DHX30: variants seen among roughly 807,000 people sequenced by gnomAD.
The protein encoded by DHX30 is DExH-box helicase 30, also known as ATP-dependent RNA helicase DHX30.
DHX30 carries 4 observed loss-of-function variants against 116.9 expected under a neutral mutation model. The observed-to-expected ratio is 0.03, with a 90% CI of 0.02 to 0.08. DHX30 has a LOEUF of 0.08. DHX30 is among the 10% of genes least tolerant of loss of function. The pLI is 1.00. For synonymous variants in DHX30, 697 were observed against 651.7 expected (o/e 1.07, Z -1.06); for missense variants, 871 against 1,595.1 (o/e 0.55, Z 7.73).
In DHX30 at chr3:47,847,676, C is replaced by T. The variant is rs539598696; in HGVS notation, c.2111-105C>T. 2,674 of 1,484,952 alleles carry T rather than the reference C, an allele frequency of 1.8e-3. 9 individuals carry two copies. The highest frequency in any genetic ancestry group is 2.2e-3 in the Non-Finnish European group (2,457 of 1,103,740). 92.0% of individuals were successfully genotyped at this position (1,484,952 alleles called of 1,614,324 possible). A position where few individuals can be genotyped will look rare whatever the true frequency, so the allele number is the denominator to read the frequency against. The stretch of plus-strand genomic sequence containing the variant: ...TTTCACTGGGCATAGTGTTTATCTG[C>T]GCCTGTTTCATCAAAATGGGGTCAA... On this transcript the variant is annotated intron_variant, in intron 13 of 21. Coordinates refer to ENST00000445061, the MANE Select transcript of DHX30 (RefSeq NM_138615.3). This position sits in a 1 kb window ranked among gnomAD's most constrained non-coding sequence, Gnocchi z 5.5.
chr3:47,843,259 A>G lies in DHX30; in HGVS notation c.939+4A>G. On this transcript the variant is annotated splice_donor_region_variant and intron_variant, in intron 9 of 21. Transcript: ENST00000445061. The stretch of plus-strand genomic sequence containing the variant: ...CTTGGCCTGCAAGAAACTGAAGGTG[A>G]GTCCAGGAAGGTCCTGGGTGTGGTG... 1 of 1,614,236 alleles carries G rather than the reference A, an allele frequency of 6.2e-7. No individual in the cohort carries two copies. The highest frequency in any genetic ancestry group is 8.5e-7 in the Non-Finnish European group (1 of 1,180,028).
intron 4 of DHX30, chr3:47,825,053 G>C: frequency 1.5e-6 from 1 of 661,482 alleles, no homozygotes; most frequent in African/African-American, 1.9e-5. Flanking sequence ...GCGGCCGCTA[G>C]GAGACTCATG....
intron 8 of DHX30, chr3:47,842,615 CGAAA>C (rs768332201): frequency 7.8e-4 from 119 of 152,652 alleles, no homozygotes; most frequent in Non-Finnish European, 1.1e-3. Context: ...TCCTCGTGGC[CGAAA>C]GAATTTTGAG....
At chr3:47,808,530 C>T (rs1283786876) in intron 2 of DHX30, among the ~76,000 whole-genome samples, 5 of 150,734 alleles carry the variant, frequency 3.3e-5, no homozygotes, top group East Asian at 2.0e-4. Context: ...TTTACCATTT[C>T]GTAGCAATAG....
In DHX30 at chr3:47,830,721, G is replaced by A. The variant is rs575405463; in HGVS notation, c.366+1587G>A. On this transcript the variant is annotated intron_variant, in intron 6 of 21. Coordinates refer to ENST00000445061, the MANE Select transcript of DHX30 (RefSeq NM_138615.3). Reference sequence around the variant, plus strand: ...CCATCCTCCCACCTCAGCCTCCCCAGTAGCTGGGACTGCAGGCCTCGCCAC... The same window carrying A: ...CCATCCTCCCACCTCAGCCTCCCCAATAGCTGGGACTGCAGGCCTCGCCAC... 2.0e-5 allele frequency: 3 copies of A among 152,116 alleles called. 1 individual carries two copies. In the South Asian group the frequency reaches 6.3e-4, roughly 32 times the overall value. 9.4% of individuals were successfully genotyped at this position (152,116 alleles called of 1,614,324 possible).
At chr3:47,825,582 A>C (rs2036517132) in intron 4 of DHX30, among the ~76,000 whole-genome samples, 1 of 152,356 alleles carries the variant, frequency 6.6e-6, no homozygotes, top group African/African-American at 2.4e-5. Flanking sequence ...CACCAGTGTG[A>C]GAAATAGCCC....
At chr3:47,806,756 A>AT (rs1038258595) in intron 2 of DHX30, among the ~76,000 whole-genome samples, 8 of 151,356 alleles carry the variant, frequency 5.3e-5, no homozygotes, top group East Asian at 2.0e-4. Context: ...TGCCTGGCCA[A>AT]TTTTTTTTGT....
At chr3:47,831,808 G>A (rs74854944) in intron 6 of DHX30, among the ~76,000 whole-genome samples, 2,004 of 150,186 alleles carry the variant, frequency 0.013, 36 homozygotes, top group Non-Finnish European at 0.016. Flanking sequence ...ACTGCACCCA[G>A]CCTATGTGTA....
At chr3:47,832,699 C>T (rs1486018774) in intron 6 of DHX30, among the ~76,000 whole-genome samples, 1 of 151,272 alleles carries the variant, frequency 6.6e-6, no homozygotes. Flanking sequence ...TACAGTGGCG[C>T]AGTCTCAGCT....
intron 1 of DHX30, among the ~76,000 whole-genome samples, chr3:47,803,799 G>C (rs1455139608): frequency 6.6e-6 from 1 of 152,192 alleles, no homozygotes; most frequent in African/African-American, 2.4e-5. Context: ...TGCATGTTGG[G>C]TCCTTTGTTT....
rs559737389 is a variant in DHX30, at chr3:47,834,365, A to T, written c.366+5231A>T. On this transcript the variant is annotated intron_variant, in intron 6 of 21. Coordinates refer to ENST00000445061, the MANE Select transcript of DHX30 (RefSeq NM_138615.3). The stretch of plus-strand genomic sequence containing the variant: ...GTGATCTGCCCGCCTTGGCCTCTTG[A>T]AGTGCTGGGATTACAGGTGTGAGCC... Among the ~76,000 whole-genome samples the T allele has an allele frequency of 2.0e-4, 30 of 152,302 alleles. 1 individual carries two copies. Among genetic ancestry groups the T allele is most frequent in the Non-Finnish European group, 3.4e-4 (23 of 68,028 alleles).
intron 4 of DHX30, chr3:47,822,220 A>C (rs1430922283): frequency 6.6e-6 from 1 of 152,236 alleles, no homozygotes; most frequent in East Asian, 1.9e-4. Flanking sequence ...TTATCTTACA[A>C]GAGTCATTGA....
chr3:47,807,630 G>A (rs1252725357), intron 2 of DHX30, among the ~76,000 whole-genome samples: 5 of 150,730 alleles, frequency 3.3e-5, no homozygotes, highest in Non-Finnish European at 5.9e-5. Flanking sequence ...GCTTGAACCC[G>A]GGAGGTGGAG....
In DHX30 at chr3:47,847,166, T is replaced by C. The variant is rs987063219; in HGVS notation, c.1930-107T>C. 8.7e-6 allele frequency: 13 copies of C among 1,502,016 alleles called. No individual in the cohort carries two copies. Among genetic ancestry groups the C allele is most frequent in the South Asian group, 2.3e-5 (2 of 86,394 alleles). 93.0% of individuals were successfully genotyped at this position (1,502,016 alleles called of 1,614,324 possible). A position where few individuals can be genotyped will look rare whatever the true frequency, so the allele number is the denominator to read the frequency against. ...CCTGCCTGCGTGGCACACGTGAGGA[T>C]TGGAGTTGATGTCAAGCGGCTCCGT... On this transcript the variant is annotated intron_variant, in intron 11 of 21. Coordinates refer to ENST00000445061, the MANE Select transcript of DHX30 (RefSeq NM_138615.3). The surrounding 1 kb of genome is among the most constrained non-coding windows in gnomAD (Gnocchi z 5.5).
At chr3:47,829,330 T>TTTTTC (rs1559703130) in intron 6 of DHX30, among the ~76,000 whole-genome samples, 196 bp downstream of exon 6, 1 of 119,286 alleles carries the variant, frequency 8.4e-6, no homozygotes, top group African/African-American at 3.2e-5. Context: ...TTTTTTTTTT[T>TTTTTC]CCTGTGTTTT....
intron 3 of DHX30, among the ~76,000 whole-genome samples, chr3:47,812,063 C>A (rs1368935823): frequency 2.3e-3 from 201 of 89,070 alleles, no homozygotes; most frequent in Admixed American, 3.3e-3. Flanking sequence ...GACTCAGTCT[C>A]AAAAAAAAAA....
At chr3:47,823,361 T>G (rs1490910267) in intron 4 of DHX30, among the ~76,000 whole-genome samples, 1 of 150,058 alleles carries the variant, frequency 6.7e-6, no homozygotes, top group Non-Finnish European at 1.5e-5. Context: ...GTTGTTGTTT[T>G]TTTTTTTTTT....
intron 4 of DHX30, among the ~76,000 whole-genome samples, chr3:47,820,391 C>T (rs1021047553): frequency 6.6e-6 from 1 of 152,134 alleles, no homozygotes; most frequent in Non-Finnish European, 1.5e-5. Flanking sequence ...CAGTCGGGTG[C>T]CCACCTGGCT....
At position 47,835,993 on chromosome 3, in the gene DHX30, T is replaced by C. The variant is rs547149335; in HGVS notation, c.367-4884T>C. On this transcript the variant is annotated intron_variant, in intron 6 of 21. Coordinates refer to ENST00000445061, the MANE Select transcript of DHX30 (RefSeq NM_138615.3). Reference sequence around the variant, plus strand: ...AGGCCAGGAATGCTTCTTCCCAGCTTACAGTACACAGGACAGCCCCCTATA... The same window carrying C: ...AGGCCAGGAATGCTTCTTCCCAGCTCACAGTACACAGGACAGCCCCCTATA... Among the ~76,000 whole-genome samples, 5 of 152,322 alleles carry C rather than the reference T, an allele frequency of 3.3e-5. No homozygotes were observed. The South Asian group carries it at 8.3e-4, about 25-fold the overall frequency.
Sources: allele counts gnomAD v4.1 joint callset (sites outside exome capture counted in the v4.1 genomes callset), GRCh38; gene constraint gnomAD v4.1.1; non-coding constraint Gnocchi (gnomAD v3.1); transcripts MANE v1.5; gene names NCBI Gene and HGNC (gene_info 2026-07-23, HGNC 2026-07-21).